The following EFCAB11 variants were observed in gnomAD, a reference collection of about 807,000 sequenced individuals.
EFCAB11 encodes EF-hand calcium-binding domain-containing protein 11.
Under a neutral mutation model 23.0 loss-of-function variants are expected in EFCAB11, and 14 were observed. The ratio of observed to expected loss-of-function variants is 0.61; its 90% CI spans 0.40 to 0.95. The LOEUF is 0.95. EFCAB11 is among the 40% of genes least tolerant of loss of function. EFCAB11 has a pLI of 0.00. For synonymous variants in EFCAB11, 65 were observed against 66.6 expected, an observed-to-expected ratio of 0.98 and a Z score of 0.11; for missense variants, 198 against 195.8, an observed-to-expected ratio of 1.01 and a Z score of -0.07.
At chr14:89,856,012 T>C (rs1010261218) in intron 5 of EFCAB11, among the ~76,000 whole-genome samples, 2 of 152,208 alleles carry the variant, frequency 1.3e-5, no homozygotes, top group South Asian at 4.1e-4. Context: ...ACAGTTTCTT[T>C]ATCCATTTGT....
Position 89,797,296 on chromosome 14 carries a change from C to T in EFCAB11, c.439G>A (p.Val147Ile), listed in dbSNP as rs754059853. 7.4e-5 allele frequency: 119 copies of T among 1,613,088 alleles called. No homozygotes were observed. Among genetic ancestry groups the T allele is most frequent in the Middle Eastern group, 1.7e-4 (1 of 6,056 alleles). ...REVDRDSDGH[V>I]SFRDFEYALN... ...GCATATTCAAAGTCTCTAAAGCTGA[C>T]GTGACCATCTGAATCTCGATCTACT... is the stretch of plus-strand genomic sequence containing the variant. The change falls in exon 6 of 6, where the codon GTC becomes ATC. Residue 147 changes from valine (V) to isoleucine (I), a missense_variant. Coordinates refer to ENST00000316738, the MANE Select transcript of EFCAB11 (RefSeq NM_145231.4).
At chr14:89,805,134 C>G (rs569207487) in intron 5 of EFCAB11, among the ~76,000 whole-genome samples, 1 of 152,364 alleles carries the variant, frequency 6.6e-6, no homozygotes, top group Admixed American at 6.5e-5. Flanking sequence ...ACAGTGGCCT[C>G]ATTAGCACTC....
chr14:89,913,996 G>C lies in EFCAB11; in HGVS notation c.410+17545C>G, dbSNP rs555165518. On this transcript the variant is annotated intron_variant, in intron 5 of 5. Coordinates refer to ENST00000316738, the MANE Select transcript of EFCAB11 (RefSeq NM_145231.4). ...CCAGCAATAATAATGTTGAGTAAAA[G>C]TTTGTGGAATAAATGGATGAATGAA... Among the ~76,000 whole-genome samples, 3 of 152,214 alleles carry C rather than the reference G, an allele frequency of 2.0e-5. No individual in the cohort carries two copies. In the East Asian group the frequency reaches 5.8e-4, roughly 29 times the overall value.
chr14:89,930,358 G>A (rs987002618), intron 5 of EFCAB11, among the ~76,000 whole-genome samples: 1 of 152,168 alleles, frequency 6.6e-6, no homozygotes, highest in Non-Finnish European at 1.5e-5. Flanking sequence ...TCTGCCAGAT[G>A]TCCCCCAATA....
chr14:89,852,810 CA>C (rs1887637001), intron 5 of EFCAB11, among the ~76,000 whole-genome samples: 1 of 152,104 alleles, frequency 6.6e-6, no homozygotes, highest in African/African-American at 2.4e-5. Flanking sequence ...TTTTTAAGTC[CA>C]GTCACATTGC....
chr14:89,940,663 T>C (rs1201757344), intron 3 of EFCAB11, among the ~76,000 whole-genome samples: 3 of 152,216 alleles, frequency 2.0e-5, no homozygotes, highest in Non-Finnish European at 4.4e-5. Context: ...CAAAGTAGAA[T>C]ATGTTCATTA....
intron 5 of EFCAB11, among the ~76,000 whole-genome samples, chr14:89,856,342 C>T (rs1051375162): frequency 1.3e-5 from 2 of 152,062 alleles, no homozygotes; most frequent in Non-Finnish European, 2.9e-5. Context: ...GCGCGTGCCA[C>T]CACACCTGCC....
intron 5 of EFCAB11, among the ~76,000 whole-genome samples, chr14:89,847,973 C>A (rs569462686): frequency 2.0e-5 from 3 of 152,118 alleles, no homozygotes. Flanking sequence ...ATGTAAAGCA[C>A]GTAGTTAACA....
intron 5 of EFCAB11, among the ~76,000 whole-genome samples, chr14:89,814,159 A>G (rs958895585): frequency 1.3e-5 from 2 of 151,218 alleles, no homozygotes; most frequent in Non-Finnish European, 2.9e-5. Flanking sequence ...CAGCGCTACA[A>G]CCTCTAGAGC....
At chr14:89,939,656 T>TA (rs1367946074) in intron 3 of EFCAB11, among the ~76,000 whole-genome samples, 2 of 152,234 alleles carry the variant, frequency 1.3e-5, no homozygotes, top group African/African-American at 4.8e-5. Context: ...CCTGAACTCT[T>TA]ATAGGTTTTC....
intron 5 of EFCAB11, among the ~76,000 whole-genome samples, chr14:89,928,481 C>G (rs1890263188): frequency 6.6e-6 from 1 of 151,778 alleles, no homozygotes; most frequent in South Asian, 2.1e-4. Flanking sequence ...ATAGGTACCT[C>G]ATGTAAATAC....
At chr14:89,937,586 C>T (rs1021546037) in intron 3 of EFCAB11, among the ~76,000 whole-genome samples, 3 of 152,082 alleles carry the variant, frequency 2.0e-5, no homozygotes, top group African/African-American at 4.8e-5. Flanking sequence ...AGTGCTACAG[C>T]GCGATCTTGG....
intron 5 of EFCAB11, among the ~76,000 whole-genome samples, chr14:89,800,513 T>G (rs1432887027): frequency 6.6e-6 from 1 of 152,186 alleles, no homozygotes; most frequent in Non-Finnish European, 1.5e-5. Context: ...TTCAATCCAG[T>G]TAAGCAGCTC....
intron 5 of EFCAB11, among the ~76,000 whole-genome samples, chr14:89,805,533 A>G (rs1213327669): frequency 6.6e-6 from 1 of 152,134 alleles, no homozygotes; most frequent in African/African-American, 2.4e-5. Flanking sequence ...TAAGGGTGCA[A>G]TTTCCACAAC....
chr14:89,834,706 T>C (rs1887014520), intron 5 of EFCAB11, among the ~76,000 whole-genome samples: 1 of 151,704 alleles, frequency 6.6e-6, no homozygotes, highest in African/African-American at 2.4e-5. Context: ...AACAAAGAGG[T>C]TCAAGGCAGT....
At chr14:89,925,632 A>G (rs564742668) in intron 5 of EFCAB11, among the ~76,000 whole-genome samples, 1 of 149,322 alleles carries the variant, frequency 6.7e-6, no homozygotes, top group South Asian at 2.1e-4. Flanking sequence ...AGAGGAATAC[A>G]AAGTTATGTT....
intron 5 of EFCAB11, among the ~76,000 whole-genome samples, chr14:89,866,169 A>G (rs553128068): frequency 6.6e-6 from 1 of 152,186 alleles, no homozygotes; most frequent in African/African-American, 2.4e-5. Flanking sequence ...ATGAAGTTCA[A>G]TGATAGGATT....
chr14:89,845,156 CTAACA>C (rs1887392095), intron 5 of EFCAB11, among the ~76,000 whole-genome samples: 1 of 152,022 alleles, frequency 6.6e-6, no homozygotes, highest in South Asian at 2.1e-4. Flanking sequence ...AAAGAAATAC[CTAACA>C]TATTACAGTT....
At chr14:89,924,641 A>G in intron 5 of EFCAB11, 2 of 1,535,772 alleles carry the variant, frequency 1.3e-6, no homozygotes, top group Non-Finnish European at 1.7e-6. Flanking sequence ...CAGCTTCCTG[A>G]TGACAGCCGA....
Sources: allele counts gnomAD v4.1 joint callset (sites outside exome capture counted in the v4.1 genomes callset), GRCh38; gene constraint gnomAD v4.1.1; transcripts MANE v1.5; gene names NCBI Gene and HGNC (gene_info 2026-07-23, HGNC 2026-07-21).